The following SIK3 variants were observed in gnomAD, a reference collection of about 807,000 sequenced individuals.
SIK3 encodes the protein serine/threonine-protein kinase SIK3.
Under a neutral mutation model 144.2 loss-of-function variants are expected in SIK3, and 28 were observed. The observed-to-expected ratio is 0.19, with a 90% CI of 0.14 to 0.27. The LOEUF is 0.27. Among genes scored for constraint, SIK3 ranks in the 10% least tolerant of loss-of-function variants. The pLI is 1.00. For synonymous variants in SIK3, 686 were observed against 676.3 expected (o/e 1.01, Z -0.22); for missense variants, 1,319 against 1,776.0 (o/e 0.74, Z 4.62).
At chr11:117,025,930 T>C (rs574448943) in intron 1 of SIK3, among the ~76,000 whole-genome samples, 32 of 152,274 alleles carry the variant, frequency 2.1e-4, no homozygotes, top group African/African-American at 6.3e-4. Context: ...TACTAAGCCA[T>C]TGTTATCAAA....
intron 1 of SIK3, among the ~76,000 whole-genome samples, chr11:116,992,723 T>C (rs1316148898): frequency 6.6e-6 from 1 of 152,184 alleles, no homozygotes; most frequent in Non-Finnish European, 1.5e-5. Context: ...AGCTCATGAC[T>C]ATAATAATCC....
chr11:116,939,560 C>G, intron 3 of SIK3, among the ~76,000 whole-genome samples: 1 of 152,156 alleles, frequency 6.6e-6, no homozygotes, highest in Non-Finnish European at 1.5e-5. Flanking sequence ...ATAACTATAC[C>G]TGAAGATTAT....
At chr11:117,058,945 A>C (rs1328182950) in intron 1 of SIK3, among the ~76,000 whole-genome samples, 1 of 152,182 alleles carries the variant, frequency 6.6e-6, no homozygotes, top group African/African-American at 2.4e-5. Flanking sequence ...GATACTGATG[A>C]CTCATTGAAA....
chr11:116,994,687 C>A (rs957937272), intron 1 of SIK3, among the ~76,000 whole-genome samples: 1 of 152,168 alleles, frequency 6.6e-6, no homozygotes, highest in East Asian at 1.9e-4. Context: ...GACTAAACTG[C>A]GACAAACACT....
chr11:117,027,963 C>T (rs1031742795), intron 1 of SIK3, among the ~76,000 whole-genome samples: 1 of 152,206 alleles, frequency 6.6e-6, no homozygotes, highest in Non-Finnish European at 1.5e-5. Flanking sequence ...TCGTTCAAGA[C>T]AATGCATTAT....
At position 116,843,669 on chromosome 11, in the gene SIK3, T is replaced by C. The variant is rs1224696663; in HGVS notation, c.*1974A>G. 6.6e-6 allele frequency: 1 copy of C among 152,210 alleles called. No homozygotes were observed. The highest frequency in any genetic ancestry group is 1.5e-5 in the Non-Finnish European group (1 of 68,046). The allele number at this position is 152,210 out of a possible 1,614,324, so 9.4% of individuals were successfully genotyped here. ...GCAGTCTGCTCTCCCATACATACAG[T>C]ACCATGTAAACACATCAGGCTGAGC... On this transcript the variant is annotated 3_prime_UTR_variant, in exon 25 of 25. Coordinates refer to ENST00000445177, the MANE Select transcript of SIK3 (RefSeq NM_001366686.3).
intron 1 of SIK3, among the ~76,000 whole-genome samples, chr11:117,043,824 G>C (rs1952845037): frequency 6.6e-6 from 1 of 152,166 alleles, no homozygotes; most frequent in Non-Finnish European, 1.5e-5. Context: ...AATCCTGTGT[G>C]AAACAAAACA....
intron 1 of SIK3, among the ~76,000 whole-genome samples, chr11:116,964,525 AAAGAT>A (rs937233838): frequency 2.0e-5 from 3 of 152,216 alleles, no homozygotes; most frequent in African/African-American, 7.2e-5. Context: ...CATGGCCAGC[AAAGAT>A]AAGGGTCAGG....
intron 1 of SIK3, among the ~76,000 whole-genome samples, chr11:117,093,783 C>T (rs995068307): frequency 6.6e-6 from 1 of 152,002 alleles, no homozygotes; most frequent in Non-Finnish European, 1.5e-5. Context: ...CTCAAAGTGG[C>T]ACCTGCAATA....
chr11:116,861,427 G>A, intron 18 of SIK3, 44 bp from the exon 19 acceptor site: 1 of 1,394,578 alleles, frequency 7.2e-7, no homozygotes, highest in Non-Finnish European at 1.0e-6. Flanking sequence ...TTCCTAAGGT[G>A]ACAGTACAAT....
intron 1 of SIK3, among the ~76,000 whole-genome samples, chr11:116,979,958 T>C (rs1950083270): frequency 6.6e-6 from 1 of 152,204 alleles, no homozygotes; most frequent in Middle Eastern, 3.2e-3. Flanking sequence ...TCATTCTCTA[T>C]GTCACTAAAC....
In SIK3 at chr11:116,877,054, A is replaced by G. The variant is rs764985356; in HGVS notation, c.866-12T>C. 6.2e-7 allele frequency: 1 copy of G among 1,612,912 alleles called. No homozygotes were observed. The highest frequency in any genetic ancestry group is 1.1e-5 in the South Asian group (1 of 91,066). The stretch of plus-strand genomic sequence containing the variant: ...CAAATGCTCACATTCTGCAATGGAC[A>G]AACAGCCTGCCTTCAGTCTCTGGTG... On this transcript the variant is annotated splice_polypyrimidine_tract_variant and intron_variant, in intron 6 of 24. Coordinates refer to ENST00000445177, the MANE Select transcript of SIK3 (RefSeq NM_001366686.3).
intron 1 of SIK3, among the ~76,000 whole-genome samples, chr11:117,071,396 C>T (rs931692331): frequency 6.6e-6 from 1 of 151,510 alleles, no homozygotes; most frequent in Non-Finnish European, 1.5e-5. Context: ...ATCGGGCTTC[C>T]ACTGAACCTT....
chr11:116,991,559 T>G (rs1427713024), intron 1 of SIK3, among the ~76,000 whole-genome samples: 1 of 152,224 alleles, frequency 6.6e-6, no homozygotes, highest in Non-Finnish European at 1.5e-5. Flanking sequence ...ATTCATTATT[T>G]AACATATAGT....
At chr11:117,071,400 G>C (rs1050314736) in intron 1 of SIK3, among the ~76,000 whole-genome samples, 6 of 151,616 alleles carry the variant, frequency 4.0e-5, no homozygotes, top group African/African-American at 1.5e-4. Context: ...GGCTTCCACT[G>C]AACCTTGAAG....
Position 116,861,201 on chromosome 11 carries a change from G to A in SIK3, c.2425+73C>T, listed in dbSNP as rs1943302943. 6 of 1,170,268 alleles carry A rather than the reference G, an allele frequency of 5.1e-6. No individual in the cohort carries two copies. The Admixed American group carries it at 1.3e-4, about 25-fold the overall frequency. The allele number at this position is 1,170,268 out of a possible 1,614,324, so 72.5% of individuals were successfully genotyped here. A position where few individuals can be genotyped will look rare whatever the true frequency, so the allele number is the denominator to read the frequency against. ...TTCTGCCTTTCAAATGGTTTATGGT[G>A]CTCAAAACTGAGACCATCATTTTTT... is the stretch of plus-strand genomic sequence containing the variant. On this transcript the variant is annotated intron_variant, in intron 19 of 24. Transcript: ENST00000445177.
intron 1 of SIK3, among the ~76,000 whole-genome samples, chr11:117,007,420 G>A (rs889138777): frequency 6.6e-6 from 1 of 152,166 alleles, no homozygotes; most frequent in Non-Finnish European, 1.5e-5. Context: ...CAATATTTTG[G>A]TGAACTAAAT....
chr11:116,972,160 T>C (rs943537447), intron 1 of SIK3, among the ~76,000 whole-genome samples: 7 of 151,598 alleles, frequency 4.6e-5, no homozygotes, highest in Admixed American at 1.3e-4. Context: ...ATGGAGTAGG[T>C]ACTATTATTC....
intron 4 of SIK3, among the ~76,000 whole-genome samples, chr11:116,919,804 A>C (rs942912753): frequency 1.3e-5 from 2 of 152,204 alleles, no homozygotes; most frequent in Non-Finnish European, 2.9e-5. Context: ...TTCTAAACAT[A>C]TCTTTCAAAA....
Sources: allele counts gnomAD v4.1 joint callset (sites outside exome capture counted in the v4.1 genomes callset), GRCh38; gene constraint gnomAD v4.1.1; transcripts MANE v1.5; gene names NCBI Gene and HGNC (gene_info 2026-07-23, HGNC 2026-07-21).